The following ZNF385B variants were observed in gnomAD, a reference collection of about 807,000 sequenced individuals.
ZNF385B encodes the protein zinc finger protein 385B.
Under a neutral mutation model 39.2 loss-of-function variants are expected in ZNF385B, and 23 were observed. The observed-to-expected ratio is 0.59, with a 90% confidence interval of 0.42 to 0.83. The LOEUF is 0.83. ZNF385B is among the 40% of genes least tolerant of loss of function. ZNF385B has a pLI of 0.00. For synonymous variants in ZNF385B, 205 were observed against 222.6 expected, an observed-to-expected ratio of 0.92 and a Z score of 0.70; for missense variants, 552 against 598.9, an observed-to-expected ratio of 0.92 and a Z score of 0.82.
At chr2:179,486,516 G>A (rs913956275) in intron 5 of ZNF385B, among the ~76,000 whole-genome samples, 4 of 152,026 alleles carry the variant, frequency 2.6e-5, no homozygotes, top group Non-Finnish European at 5.9e-5. Flanking sequence ...ACTCAGAGAA[G>A]GATTATAACT....
chr2:179,452,666 G>A (rs1334577037), intron 6 of ZNF385B, among the ~76,000 whole-genome samples: 1 of 151,886 alleles, frequency 6.6e-6, no homozygotes, highest in African/African-American at 2.4e-5. Flanking sequence ...AGAATTCAGT[G>A]GTTAATAACA....
chr2:179,611,399 G>A (rs1380227789), intron 3 of ZNF385B, among the ~76,000 whole-genome samples: 1 of 117,468 alleles, frequency 8.5e-6, no homozygotes, highest in African/African-American at 3.4e-5. Flanking sequence ...AACCCCACTT[G>A]GTCATCATGG....
At chr2:179,626,008 G>A (rs1390695281) in intron 3 of ZNF385B, among the ~76,000 whole-genome samples, 1 of 151,910 alleles carries the variant, frequency 6.6e-6, no homozygotes, top group Non-Finnish European at 1.5e-5. Flanking sequence ...TCACAAAATG[G>A]AGAACTGTTA....
chr2:179,700,067 AC>A (rs1699069408), intron 3 of ZNF385B, among the ~76,000 whole-genome samples: 12 of 147,404 alleles, frequency 8.1e-5, no homozygotes, highest in Non-Finnish European at 1.5e-5. Context: ...AAACACACAC[AC>A]ACACACACAA....
At chr2:179,855,875 G>T (rs1260114259) in intron 1 of ZNF385B, among the ~76,000 whole-genome samples, 2 of 152,196 alleles carry the variant, frequency 1.3e-5, no homozygotes, top group Non-Finnish European at 2.9e-5. Flanking sequence ...TTTCACAGAT[G>T]AAGAAATTGA....
intron 6 of ZNF385B, among the ~76,000 whole-genome samples, chr2:179,470,877 A>ACAAACAAACAAG (rs2052695672): frequency 6.6e-6 from 1 of 152,070 alleles, no homozygotes. Context: ...AAACAAACAA[A>ACAAACAAACAAG]CAAACAAACA....
intron 3 of ZNF385B, among the ~76,000 whole-genome samples, chr2:179,757,221 AG>A (rs1196819943): frequency 5.3e-5 from 8 of 152,192 alleles, no homozygotes; most frequent in African/African-American, 1.9e-4. Context: ...AGTTTGCTGG[AG>A]GTCCACTCCA....
At chr2:179,663,146 G>A (rs541621757) in intron 3 of ZNF385B, among the ~76,000 whole-genome samples, 1 of 152,172 alleles carries the variant, frequency 6.6e-6, no homozygotes, top group South Asian at 2.1e-4. Context: ...TAAATATGAT[G>A]GTACTTGAAA....
chr2:179,770,275 CTATGAGGACAGTCACCTCGTCTCTGGA>C (rs1398822711), intron 2 of ZNF385B, among the ~76,000 whole-genome samples: 2 of 152,158 alleles, frequency 1.3e-5, no homozygotes, highest in African/African-American at 4.8e-5. Context: ...AGTATGAGCT[CTATGAGGACAGTCACCTCGTCTCTGGA>C]TATCCCTTAG....
At chr2:179,707,717 G>A (rs1419063216) in intron 3 of ZNF385B, among the ~76,000 whole-genome samples, 1 of 152,250 alleles carries the variant, frequency 6.6e-6, no homozygotes, top group Non-Finnish European at 1.5e-5. Flanking sequence ...CACAGGGTAT[G>A]CGCTGCCAGC....
At chr2:179,637,377 A>G (rs1465480396) in intron 3 of ZNF385B, 1 of 152,138 alleles carries the variant, frequency 6.6e-6, no homozygotes, top group Admixed American at 6.6e-5. Flanking sequence ...TCAACACAAG[A>G]ACAAGGTCAT....
At chr2:179,799,028 T>A (rs1020234559) in intron 1 of ZNF385B, among the ~76,000 whole-genome samples, 1 of 152,040 alleles carries the variant, frequency 6.6e-6, no homozygotes, top group African/African-American at 2.4e-5. Context: ...TTTAACCTAA[T>A]CAACACACTC....
intron 3 of ZNF385B, among the ~76,000 whole-genome samples, chr2:179,550,929 A>G (rs2060521700): frequency 6.6e-6 from 1 of 152,052 alleles, no homozygotes; most frequent in Non-Finnish European, 1.5e-5. Flanking sequence ...CTAAAAGTGA[A>G]GGACTTGCTG....
intron 3 of ZNF385B, among the ~76,000 whole-genome samples, chr2:179,568,740 C>T: frequency 6.6e-6 from 1 of 152,120 alleles, no homozygotes; most frequent in Middle Eastern, 3.2e-3. Context: ...GTACACATTT[C>T]CATTTACAGG....
intron 3 of ZNF385B, among the ~76,000 whole-genome samples, chr2:179,716,257 C>T (rs1339018607): frequency 1.3e-5 from 2 of 152,164 alleles, no homozygotes; most frequent in African/African-American, 4.8e-5. Flanking sequence ...ATGAAATTCT[C>T]ATTTTGGCTT....
chr2:179,523,962 A>T (rs2058689927), intron 4 of ZNF385B, among the ~76,000 whole-genome samples: 1 of 151,740 alleles, frequency 6.6e-6, no homozygotes, highest in African/African-American at 2.4e-5. Context: ...TTTTTTTTAA[A>T]TTTTTATTTA....
At chr2:179,470,450 G>GA (rs2052616357) in intron 6 of ZNF385B, among the ~76,000 whole-genome samples, 1 of 151,962 alleles carries the variant, frequency 6.6e-6, no homozygotes, top group Non-Finnish European at 1.5e-5. Flanking sequence ...CCATGAAACT[G>GA]AAAAAAGATG....
intron 3 of ZNF385B, among the ~76,000 whole-genome samples, chr2:179,558,629 C>T (rs1297031512): frequency 6.6e-6 from 1 of 152,156 alleles, no homozygotes; most frequent in East Asian, 1.9e-4. Flanking sequence ...GAAAGCACAA[C>T]TTGGGAATAA....
chr2:179,524,578 A>G (rs2058761214), intron 4 of ZNF385B, among the ~76,000 whole-genome samples: 1 of 148,370 alleles, frequency 6.7e-6, no homozygotes, highest in South Asian at 2.1e-4. Flanking sequence ...AAAAAAAAAA[A>G]AAAAAAAAAA....
Sources: allele counts gnomAD v4.1 joint callset (sites outside exome capture counted in the v4.1 genomes callset), GRCh38; gene constraint gnomAD v4.1.1; transcripts MANE v1.5; gene names NCBI Gene and HGNC (gene_info 2026-07-23, HGNC 2026-07-21).